The following FBXO25 variants were observed in gnomAD, a reference collection of about 807,000 sequenced individuals.
The protein encoded by FBXO25 is F-box protein 25.
A neutral mutation model predicts 51.9 loss-of-function variants in FBXO25; 45 were observed. The observed-to-expected ratio is 0.87, with a 90% CI of 0.68 to 1.11. FBXO25 has a LOEUF of 1.11. Ranked by LOEUF, FBXO25 falls within the 50% of genes most tolerant of loss-of-function variation. FBXO25 has a pLI of 0.00. For synonymous variants in FBXO25, 199 were observed against 151.0 expected (o/e 1.32, Z -2.33); for missense variants, 507 against 428.5 (o/e 1.18, Z -1.62).
At chr8:462,973 T>TAA (rs1437169013) in intron 8 of FBXO25, 34 bp from the exon 9 acceptor site, 7 of 1,585,974 alleles carry the variant, frequency 4.4e-6, no homozygotes, top group Middle Eastern at 1.7e-4. Context: ...AAAGTCATCT[T>TAA]ATGCGGATTC....
At chr8:408,637 T>C (rs1796310597) in intron 1 of FBXO25, among the ~76,000 whole-genome samples, 2 of 152,246 alleles carry the variant, frequency 1.3e-5, no homozygotes, top group Non-Finnish European at 2.9e-5. Context: ...GCCATTATTA[T>C]TGTTAAGAAA....
chr8:451,565 C>A, intron 7 of FBXO25, 112 bp downstream of exon 7: 2 of 1,004,914 alleles, frequency 2.0e-6, no homozygotes. Flanking sequence ...TTTTCTAATG[C>A]TTTCATAAGT....
intron 5 of FBXO25, among the ~76,000 whole-genome samples, chr8:449,112 AGT>A (rs1563086679): frequency 6.6e-6 from 1 of 152,256 alleles, no homozygotes; most frequent in Non-Finnish European, 1.5e-5. Flanking sequence ...TGAATCAAAA[AGT>A]GAAACCCAAC....
chr8:424,487 C>G (rs550939711), intron 2 of FBXO25, among the ~76,000 whole-genome samples: 5 of 152,178 alleles, frequency 3.3e-5, no homozygotes, highest in Non-Finnish European at 7.3e-5. Flanking sequence ...CAGGATCTTA[C>G]AGTTTGAGGT....
chr8:471,955 T>C lies in FBXO25; in HGVS notation c.*3151T>C, dbSNP rs553843480. The C allele has an allele frequency of 3.3e-5, 5 of 152,354 alleles. No individual in the cohort carries two copies. In the South Asian group the frequency reaches 1.0e-3, roughly 32 times the overall value. 9.4% of individuals were successfully genotyped at this position (152,354 alleles called of 1,614,324 possible). On this transcript the variant is annotated 3_prime_UTR_variant, in exon 10 of 10. Coordinates refer to ENST00000350302, the MANE Select transcript of FBXO25 (RefSeq NM_183420.2). ...TTAGAACCAAACTGTCATATAAGAT[T>C]TATCAGCTCTTTTAACACCTTTGTA...
At chr8:418,650 TTAAG>T (rs780304900) in intron 2 of FBXO25, among the ~76,000 whole-genome samples, 10 of 152,178 alleles carry the variant, frequency 6.6e-5, no homozygotes, top group Non-Finnish European at 1.3e-4. Context: ...TGTTTCTTTA[TTAAG>T]TAAGAGAGCT....
intron 4 of FBXO25, among the ~76,000 whole-genome samples, chr8:435,032 C>T (rs577189742): frequency 1.3e-5 from 2 of 152,262 alleles, no homozygotes; most frequent in East Asian, 3.9e-4. Context: ...TGCTGGTTTT[C>T]AGAAGCACCT....
At chr8:462,526 C>T (rs1168531272) in intron 8 of FBXO25, among the ~76,000 whole-genome samples, 1 of 152,160 alleles carries the variant, frequency 6.6e-6, no homozygotes, top group Admixed American at 6.5e-5. Context: ...TGATTTGTCA[C>T]TTATTGATTT....
chr8:417,926 G>A (rs1271683046), intron 2 of FBXO25, among the ~76,000 whole-genome samples: 2 of 152,040 alleles, frequency 1.3e-5, no homozygotes, highest in African/African-American at 2.4e-5. Context: ...GAAATCTAAG[G>A]TCCTAATAGA....
At chr8:432,234 G>C (rs1482455128) in intron 3 of FBXO25, among the ~76,000 whole-genome samples, 3 of 152,144 alleles carry the variant, frequency 2.0e-5, no homozygotes, top group Admixed American at 1.3e-4. Flanking sequence ...CAAGGGGCGG[G>C]TAGTGTAGGA....
intron 1 of FBXO25, among the ~76,000 whole-genome samples, chr8:411,785 G>A (rs1353831944): frequency 2.0e-5 from 3 of 152,114 alleles, no homozygotes; most frequent in African/African-American, 2.4e-5. Flanking sequence ...CTGTTTGGAC[G>A]GGGAGTCAGG....
At position 432,933 on chromosome 8, in the gene FBXO25, G is replaced by C; in HGVS notation, c.286G>C (p.Glu96Gln). ...CTATGTCCATAAAGAAAGCACAAAG[G>C]AAGTAAGTATTCTATTATAAATATG... ...WIYVHKESTK[E>Q]RHGYCTLGEA... The change falls in exon 4 of 10, where the codon GAA (glutamate) becomes CAA (glutamine). Residue 96 changes from glutamate to glutamine, a missense_variant and splice_region_variant. By Grantham distance (29) the Glu-to-Gln change is conservative. Transcript: ENST00000350302. The C allele has an allele frequency of 1.3e-6, 2 of 1,554,954 alleles. No homozygotes were observed. Among genetic ancestry groups the C allele is most frequent in the Non-Finnish European group, 1.7e-6 (2 of 1,153,846 alleles).
chr8:448,311 C>T (rs1203929844), intron 5 of FBXO25, among the ~76,000 whole-genome samples: 1 of 152,142 alleles, frequency 6.6e-6, no homozygotes, highest in Non-Finnish European at 1.5e-5. Flanking sequence ...GTGCCATATC[C>T]TACAGGAATT....
chr8:434,215 C>G (rs922952170), intron 4 of FBXO25, among the ~76,000 whole-genome samples: 1 of 152,144 alleles, frequency 6.6e-6, no homozygotes, highest in African/African-American at 2.4e-5. Context: ...TGCTGCTTGT[C>G]CATGCTGGCT....
At chr8:427,698 T>A (rs569788827) in intron 2 of FBXO25, among the ~76,000 whole-genome samples, 1 of 149,834 alleles carries the variant, frequency 6.7e-6, no homozygotes, top group South Asian at 2.1e-4. Context: ...TTATGTGTAG[T>A]ATAGTACTTT....
intron 2 of FBXO25, among the ~76,000 whole-genome samples, chr8:425,067 A>G (rs1797387669): frequency 6.6e-6 from 1 of 152,200 alleles, no homozygotes; most frequent in Admixed American, 6.5e-5. Context: ...TTATAAAGGA[A>G]ACATCCTTGT....
chr8:474,844 T>A lies in FBXO25; in HGVS notation c.*6040T>A, dbSNP rs1204753491. The A allele has an allele frequency of 6.7e-6, 3 of 446,692 alleles. No homozygotes were observed. The highest frequency in any genetic ancestry group is 8.9e-6 in the Non-Finnish European group (2 of 224,934). The allele number at this position is 446,692 out of a possible 1,614,324, so 27.7% of individuals were successfully genotyped here. ...ATGTACAGAAGTTGTTTCTTTCTTT[T>A]AGTTACCTGTGTGTGCCTCTGGTGT... On this transcript the variant is annotated 3_prime_UTR_variant, in exon 10 of 10. Transcript: ENST00000350302.
At chr8:443,167 G>A (rs1477846238) in intron 5 of FBXO25, among the ~76,000 whole-genome samples, 2 of 151,172 alleles carry the variant, frequency 1.3e-5, no homozygotes, top group Non-Finnish European at 2.9e-5. Flanking sequence ...TGCTGACGAC[G>A]GTGGATAGGT....
chr8:463,747 A>C (rs1040169165), intron 9 of FBXO25, among the ~76,000 whole-genome samples: 7 of 152,018 alleles, frequency 4.6e-5, no homozygotes, highest in African/African-American at 1.7e-4. Context: ...TCCTGTTCTC[A>C]CCATCCAGAC....
Sources: gnomAD v4.1 joint callset for allele counts (sites outside exome capture counted in the v4.1 genomes callset) on GRCh38, gnomAD v4.1.1 for gene constraint, MANE v1.5 for transcripts, NCBI Gene and HGNC (gene_info 2026-07-23, HGNC 2026-07-21) for gene names.